Variants in GRM5 observed in about 807,000 individuals in gnomAD.
The protein encoded by GRM5 is metabotropic glutamate receptor 5.
GRM5 carries 19 observed loss-of-function variants against 83.1 expected under a neutral mutation model. The observed-to-expected ratio is 0.23, with a 90% CI of 0.16 to 0.34. GRM5 has a LOEUF of 0.34. GRM5 is among the 10% of genes least tolerant of loss of function. The pLI is 1.00. For synonymous variants in GRM5, 675 were observed against 633.6 expected (o/e 1.07, Z -0.98); for missense variants, 1,160 against 1,588.3 (o/e 0.73, Z 4.58).
intron 2 of GRM5, among the ~76,000 whole-genome samples, chr11:88,984,368 C>T (rs1353058543): frequency 1.3e-5 from 2 of 152,126 alleles, no homozygotes; most frequent in Non-Finnish European, 2.9e-5. Context: ...GTTTTCACTA[C>T]AGTAATAGGC....
chr11:88,684,736 T>C (rs1212490357), intron 3 of GRM5, among the ~76,000 whole-genome samples: 1 of 152,226 alleles, frequency 6.6e-6, no homozygotes, highest in East Asian at 1.9e-4. Context: ...CCCCCGATAC[T>C]GTTCTAGTGG....
At chr11:89,039,402 A>T (rs1243848536) in intron 2 of GRM5, among the ~76,000 whole-genome samples, 1 of 152,116 alleles carries the variant, frequency 6.6e-6, no homozygotes, top group African/African-American at 2.4e-5. Flanking sequence ...TCTTTCCTCA[A>T]CTGAGGTTTA....
chr11:88,769,930 A>G (rs1051836337), intron 3 of GRM5, among the ~76,000 whole-genome samples: 5 of 152,052 alleles, frequency 3.3e-5, no homozygotes, highest in African/African-American at 7.2e-5. Context: ...GGGAGGAGAT[A>G]GTAAATTTAC....
chr11:88,852,298 T>C (rs1944401646), intron 2 of GRM5, among the ~76,000 whole-genome samples: 1 of 152,146 alleles, frequency 6.6e-6, no homozygotes, highest in African/African-American at 2.4e-5. Flanking sequence ...AAACCTGAGT[T>C]CAACTTCAAT....
chr11:88,624,541 G>T (rs1938735494), intron 4 of GRM5, among the ~76,000 whole-genome samples: 1 of 152,272 alleles, frequency 6.6e-6, no homozygotes, highest in Middle Eastern at 3.4e-3. Flanking sequence ...TTCAGGCTGG[G>T]TATGGTTGCT....
At chr11:88,577,832 A>G (rs545861288) in intron 7 of GRM5, among the ~76,000 whole-genome samples, 10 of 152,266 alleles carry the variant, frequency 6.6e-5, no homozygotes, top group Non-Finnish European at 1.3e-4. Context: ...AGAGAATTAC[A>G]ATGTCTTTGG....
rs76081376 is a variant in GRM5 at position 88,601,181 on chromosome 11, T to C, written c.1394+3537A>G. The stretch of plus-strand genomic sequence containing the variant: ...GCAACCTTGGACATGTCTCTTTCTT[T>C]CTATGACACAGATTTTTTACCAGGA... On this transcript the variant is annotated intron_variant, in intron 5 of 9. Transcript: ENST00000305447. Among the ~76,000 whole-genome samples, 1,219 of 152,334 alleles carry C rather than the reference T, an allele frequency of 8.0e-3. 20 individuals are homozygous for C. The highest frequency in any genetic ancestry group is 0.027 in the African/African-American group (1,114 of 41,574).
intron 2 of GRM5, among the ~76,000 whole-genome samples, chr11:88,999,982 G>T (rs536746453): frequency 1.3e-5 from 2 of 151,988 alleles, no homozygotes; most frequent in African/African-American, 2.4e-5. Flanking sequence ...GCAAACTATC[G>T]CAAGGACAAA....
At chr11:88,817,313 A>G (rs570875168) in intron 3 of GRM5, among the ~76,000 whole-genome samples, 9 of 152,190 alleles carry the variant, frequency 5.9e-5, no homozygotes, top group Admixed American at 1.3e-4. Context: ...AGGAAATTCT[A>G]ATATTAGATA....
At chr11:88,556,564 G>A (rs763635941) in intron 8 of GRM5, among the ~76,000 whole-genome samples, 7 of 151,838 alleles carry the variant, frequency 4.6e-5, no homozygotes, top group Non-Finnish European at 8.8e-5. Flanking sequence ...CTCATGATCC[G>A]CCTGCCTTAG....
intron 2 of GRM5, among the ~76,000 whole-genome samples, chr11:88,867,222 G>GT (rs1235214202): frequency 9.2e-5 from 14 of 151,646 alleles, no homozygotes; most frequent in Non-Finnish European, 1.6e-4. Context: ...ATTTAAAGTA[G>GT]TTTTTTTTCT....
chr11:89,012,764 T>C (rs1940739864), intron 2 of GRM5, among the ~76,000 whole-genome samples: 1 of 152,178 alleles, frequency 6.6e-6, no homozygotes, highest in Non-Finnish European at 1.5e-5. Flanking sequence ...CATGTCAGCA[T>C]TCCAGCCAGC....
At chr11:88,784,202 A>C (rs1016746029) in intron 3 of GRM5, among the ~76,000 whole-genome samples, 4 of 152,100 alleles carry the variant, frequency 2.6e-5, no homozygotes, top group African/African-American at 9.6e-5. Flanking sequence ...TGTGTTAGGC[A>C]GCAGCCTCAT....
At chr11:88,830,379 A>G (rs1426253539) in intron 3 of GRM5, among the ~76,000 whole-genome samples, 1 of 152,146 alleles carries the variant, frequency 6.6e-6, no homozygotes, top group Non-Finnish European at 1.5e-5. Context: ...GACTGAAGGT[A>G]TCTGGTACTT....
chr11:88,688,588 A>G (rs1940704177), intron 3 of GRM5, among the ~76,000 whole-genome samples: 1 of 152,174 alleles, frequency 6.6e-6, no homozygotes, highest in Non-Finnish European at 1.5e-5. Context: ...TAAGGTACAT[A>G]GAGAGATCTG....
At chr11:89,061,162 G>A (rs1941984136) in intron 1 of GRM5, among the ~76,000 whole-genome samples, 1 of 151,756 alleles carries the variant, frequency 6.6e-6, no homozygotes, top group African/African-American at 2.4e-5. Context: ...TATCTATATC[G>A]AGATACACAT....
At chr11:88,964,232 G>A (rs191791572) in intron 2 of GRM5, among the ~76,000 whole-genome samples, 1 of 152,084 alleles carries the variant, frequency 6.6e-6, no homozygotes, top group East Asian at 1.9e-4. Context: ...TTGTTAGTGA[G>A]ACATTGGAGC....
chr11:88,631,754 A>T (rs1477309728), intron 4 of GRM5, among the ~76,000 whole-genome samples: 1 of 152,208 alleles, frequency 6.6e-6, no homozygotes, highest in Non-Finnish European at 1.5e-5. Flanking sequence ...CAAAAGGGAT[A>T]AGCTTAGGGA....
rs16914750 is a variant in GRM5 at position 88,740,757 on chromosome 11, A to G, written c.912-87354T>C. Among the ~76,000 whole-genome samples the G allele has an allele frequency of 5.2e-3, 797 of 152,202 alleles. 10 individuals carry two copies. The highest frequency in any genetic ancestry group is 0.036 in the Admixed American group (543 of 15,262). On this transcript the variant is annotated intron_variant, in intron 3 of 9. Transcript: ENST00000305447. ...TAGCACATCTTCAACCAAAGCCAGT[A>G]TGTGCACAAGGCATGCTCAGATCTC...
Sources: gnomAD v4.1 joint callset for allele counts (sites outside exome capture counted in the v4.1 genomes callset) on GRCh38, gnomAD v4.1.1 for gene constraint, MANE v1.5 for transcripts, NCBI Gene and HGNC (gene_info 2026-07-23, HGNC 2026-07-21) for gene names.